The following NEDD4L variants were observed in gnomAD, a reference collection of about 807,000 sequenced individuals.
NEDD4L encodes the protein NEDD4 like E3 ubiquitin protein ligase, also known as E3 ubiquitin-protein ligase NEDD4-like.
A neutral mutation model predicts 148.9 loss-of-function variants in NEDD4L; 54 were observed. The ratio of observed to expected loss-of-function variants is 0.36; its 90% CI spans 0.29 to 0.45. NEDD4L has a LOEUF of 0.45. Ranked by LOEUF, NEDD4L falls within the 20% of genes least tolerant of loss-of-function variation. NEDD4L has a pLI of 1.00. For synonymous variants in NEDD4L, 433 were observed against 440.7 expected, an observed-to-expected ratio of 0.98 and a Z score of 0.22; for missense variants, 856 against 1,233.8, an observed-to-expected ratio of 0.69 and a Z score of 4.59.
chr18:58,357,971 C>A (rs191362003), intron 19 of NEDD4L, among the ~76,000 whole-genome samples: 1 of 152,108 alleles, frequency 6.6e-6, no homozygotes, highest in Non-Finnish European at 1.5e-5. Context: ...AGTGGCTATA[C>A]GAGTGCAGGG....
At chr18:58,145,353 C>G (rs1342483352) in intron 1 of NEDD4L, among the ~76,000 whole-genome samples, 1 of 152,214 alleles carries the variant, frequency 6.6e-6, no homozygotes. Context: ...CTACTCTGCT[C>G]TAATGTAACC....
chr18:58,095,671 A>G (rs2084351380), intron 1 of NEDD4L, among the ~76,000 whole-genome samples: 1 of 152,224 alleles, frequency 6.6e-6, no homozygotes, highest in South Asian at 2.1e-4. Context: ...AGGTGGAAAC[A>G]TCTCTGCCAG....
chr18:58,241,543 C>G (rs933137399), intron 2 of NEDD4L, among the ~76,000 whole-genome samples: 2 of 152,108 alleles, frequency 1.3e-5, no homozygotes, highest in African/African-American at 4.8e-5. Context: ...ACATGAGACA[C>G]TCAATAAATG....
chr18:58,062,615 C>T lies in NEDD4L; in HGVS notation c.48+17907C>T, dbSNP rs376972269. On this transcript the variant is annotated intron_variant, in intron 1 of 30. Transcript: ENST00000400345. ...GGGACCACAGCATGGCACTAAAGCG[C>T]GGCTGCTGCTTTTCAGATCCCATGT... is the stretch of plus-strand genomic sequence containing the variant. Among the ~76,000 whole-genome samples, 28 of 152,220 alleles carry T rather than the reference C, an allele frequency of 1.8e-4. 1 individual carries two copies. The highest frequency in any genetic ancestry group is 6.7e-4 in the African/African-American group (28 of 41,532).
At chr18:58,164,720 C>T (rs1364002327) in intron 1 of NEDD4L, among the ~76,000 whole-genome samples, 1 of 152,226 alleles carries the variant, frequency 6.6e-6, no homozygotes, top group South Asian at 2.1e-4. Flanking sequence ...CCGCCTGCCT[C>T]GGCCTCCCAA....
Position 58,323,212 on chromosome 18 carries a change from T to C in NEDD4L, c.411-20T>C. On this transcript the variant is annotated intron_variant, in intron 7 of 30. Coordinates refer to ENST00000400345, the MANE Select transcript of NEDD4L (RefSeq NM_001144967.3). ...GAAGTCACAACCCTTCTAACCAATTTTCTTCCATTATGTGTGCAGTCATAA... is the reference window on the plus strand; with the variant it reads ...GAAGTCACAACCCTTCTAACCAATTCTCTTCCATTATGTGTGCAGTCATAA... 6.8e-7 allele frequency: 1 copy of C among 1,470,632 alleles called. No individual in the cohort carries two copies. The highest frequency in any genetic ancestry group is 1.7e-4 in the Middle Eastern group (1 of 5,826). 91.1% of individuals were successfully genotyped at this position (1,470,632 alleles called of 1,614,324 possible).
At chr18:58,347,763 G>T (rs141700426) in intron 16 of NEDD4L, among the ~76,000 whole-genome samples, 4 of 152,124 alleles carry the variant, frequency 2.6e-5, no homozygotes. Flanking sequence ...TTTGTTGTTC[G>T]TGGTCTTTTT....
At chr18:58,335,580 A>C in intron 13 of NEDD4L, 43 bp downstream of exon 13, 2 of 1,475,262 alleles carry the variant, frequency 1.4e-6, no homozygotes, top group Non-Finnish European at 1.9e-6. Context: ...AGAGGCCGTG[A>C]GGCAGTTTTA....
In NEDD4L at chr18:58,148,048, C is replaced by G. The variant is rs886729530; in HGVS notation, c.49-17740C>G. Among the ~76,000 whole-genome samples, 5 of 148,536 alleles carry G rather than the reference C, an allele frequency of 3.4e-5. No homozygotes were observed. In the East Asian group the frequency reaches 5.9e-4, roughly 17 times the overall value. On this transcript the variant is annotated intron_variant, in intron 1 of 30. Coordinates refer to ENST00000400345, the MANE Select transcript of NEDD4L (RefSeq NM_001144967.3). ...AAGGAGTCCACCCCTCTCTCCCCCC[C>G]TTTTTTTTTTGGTCACTGAAATATT...
chr18:58,142,040 CTTTTT>C (rs552184742), intron 1 of NEDD4L, among the ~76,000 whole-genome samples: 23 of 41,864 alleles, frequency 5.5e-4, no homozygotes, highest in African/African-American at 1.4e-3. Context: ...AAATTTCTTT[CTTTTT>C]TTTTTTTTTT....
intron 2 of NEDD4L, chr18:58,227,846 G>T: frequency 1.0e-6 from 1 of 979,180 alleles, no homozygotes; most frequent in Non-Finnish European, 1.2e-6. Context: ...CTCCATTGCT[G>T]TTGAACTTTT....
chr18:58,063,911 G>A (rs2082461597), intron 1 of NEDD4L, among the ~76,000 whole-genome samples: 1 of 149,296 alleles, frequency 6.7e-6, no homozygotes, highest in African/African-American at 2.5e-5. Context: ...AAAAACATCA[G>A]TGAGAAGCCA....
intron 2 of NEDD4L, among the ~76,000 whole-genome samples, chr18:58,213,711 A>G (rs1388502894): frequency 6.6e-6 from 1 of 151,914 alleles, no homozygotes; most frequent in African/African-American, 2.4e-5. Flanking sequence ...GAGGTTAAAC[A>G]TGCTGGCTCC....
rs117678973 is a variant in NEDD4L, at chr18:58,044,947, G to T, written c.48+239G>T. ...CGGCGCGACGCCCTTGGAGCTGGGGGTTCACTCCGCAGCTCCTCGCTTTCG... is the reference window on the plus strand; with the variant it reads ...CGGCGCGACGCCCTTGGAGCTGGGGTTTCACTCCGCAGCTCCTCGCTTTCG... On this transcript the variant is annotated intron_variant, in intron 1 of 30. Coordinates refer to ENST00000400345, the MANE Select transcript of NEDD4L (RefSeq NM_001144967.3). The T allele has an allele frequency of 4.3e-3, 1,976 of 460,188 alleles. 9 individuals carry two copies. Among genetic ancestry groups the T allele is most frequent in the Non-Finnish European group, 6.5e-3 (1,675 of 258,172 alleles). The allele number at this position is 460,188 out of a possible 1,614,324, so 28.5% of individuals were successfully genotyped here.
rs2050689079 is a variant in NEDD4L at position 58,399,211 on chromosome 18, T to C, written c.*2942T>C. 1 of 152,162 alleles carries C rather than the reference T, an allele frequency of 6.6e-6. No homozygotes were observed. Among genetic ancestry groups the C allele is most frequent in the Admixed American group, 6.5e-5 (1 of 15,284 alleles). 9.4% of individuals were successfully genotyped at this position (152,162 alleles called of 1,614,324 possible). A position where few individuals can be genotyped will look rare whatever the true frequency, so the allele number is the denominator to read the frequency against. ...GGATGAAGGTCCAACAGCCTGTGCC[T>C]CTCCACTGCTGGCCCTGGAGCCGGC... On this transcript the variant is annotated 3_prime_UTR_variant, in exon 31 of 31. Coordinates refer to ENST00000400345, the MANE Select transcript of NEDD4L (RefSeq NM_001144967.3).
At position 58,383,290 on chromosome 18, in the gene NEDD4L, C is replaced by A; in HGVS notation, c.2397C>A (p.Val799=). ...AGCCCAATGGGTCAGAAATAATGGT[C>A]ACAAATGAAAACAAAAGGGAATATA... ...DLKPNGSEIM[V]TNENKREYID... is the part of the protein sequence containing the mutation. The change falls in exon 25 of 31, where the codon GTC becomes GTA. Residue 799 remains valine (V), a synonymous_variant. Transcript: ENST00000400345. 6.5e-7 allele frequency: 1 copy of A among 1,542,262 alleles called. No individual in the cohort carries two copies.
intron 5 of NEDD4L, among the ~76,000 whole-genome samples, chr18:58,275,465 A>C (rs897645487): frequency 1.3e-5 from 2 of 152,190 alleles, no homozygotes; most frequent in African/African-American, 4.8e-5. Context: ...CACACATCTT[A>C]CTAGACCAAA....
At chr18:58,296,470 G>C (rs941930667) in intron 5 of NEDD4L, among the ~76,000 whole-genome samples, 1 of 152,226 alleles carries the variant, frequency 6.6e-6, no homozygotes, top group Non-Finnish European at 1.5e-5. Context: ...ACTGAAGTCA[G>C]GATGTCCGCA....
At chr18:58,062,215 A>T (rs1002935479) in intron 1 of NEDD4L, among the ~76,000 whole-genome samples, 2 of 152,076 alleles carry the variant, frequency 1.3e-5, no homozygotes, top group Non-Finnish European at 2.9e-5. Flanking sequence ...TTTTTGCTTG[A>T]TCACCCAGTA....
Sources: gnomAD v4.1 joint callset for allele counts (sites outside exome capture counted in the v4.1 genomes callset) on GRCh38, gnomAD v4.1.1 for gene constraint, MANE v1.5 for transcripts, NCBI Gene and HGNC (gene_info 2026-07-23, HGNC 2026-07-21) for gene names.